The following PRKCA variants were observed in gnomAD, a reference collection of about 807,000 sequenced individuals.
PRKCA encodes protein kinase C alpha type.
Under a neutral mutation model 87.0 loss-of-function variants are expected in PRKCA, and 27 were observed. The ratio of observed to expected loss-of-function variants is 0.31; its 90% CI spans 0.23 to 0.43. PRKCA has a LOEUF of 0.43. Ranked by LOEUF, PRKCA falls within the 20% of genes least tolerant of loss-of-function variation. The probability of loss-of-function intolerance (pLI) is 1.00; values close to 1 mark genes in which losing one functional copy is unlikely to be tolerated. For missense variants in PRKCA, 518 were observed against 852.3 expected, an observed-to-expected ratio of 0.61 and a Z score of 4.88; for synonymous variants, 329 against 311.1, an observed-to-expected ratio of 1.06 and a Z score of -0.61.
intron 2 of PRKCA, among the ~76,000 whole-genome samples, chr17:66,370,228 CTTTTTT>C (rs35851942): frequency 0.16 from 17,540 of 112,230 alleles, 1,374 homozygotes; most frequent in East Asian, 0.32. Context: ...TATTTTGATA[CTTTTTT>C]TTTTTTTTTT....
intron 3 of PRKCA, among the ~76,000 whole-genome samples, chr17:66,596,447 A>G (rs1598803482): frequency 6.7e-6 from 1 of 149,876 alleles, no homozygotes; most frequent in Admixed American, 6.7e-5. Flanking sequence ...GTGACATTAC[A>G]CCCTCCACAT....
intron 3 of PRKCA, among the ~76,000 whole-genome samples, chr17:66,558,041 A>G (rs1401846570): frequency 1.3e-5 from 2 of 152,166 alleles, no homozygotes; most frequent in African/African-American, 4.8e-5. Flanking sequence ...ACCGTTCCCA[A>G]TTGCTGAAAT....
chr17:66,379,704 A>G (rs1909676715), intron 2 of PRKCA, among the ~76,000 whole-genome samples: 1 of 152,238 alleles, frequency 6.6e-6, no homozygotes, highest in African/African-American at 2.4e-5. Flanking sequence ...CATTGGTTAA[A>G]GCTAACTTCA....
intron 8 of PRKCA, among the ~76,000 whole-genome samples, chr17:66,702,297 A>G (rs1338989852): frequency 6.6e-6 from 1 of 152,174 alleles, no homozygotes; most frequent in Non-Finnish European, 1.5e-5. Flanking sequence ...ACATTATCAT[A>G]TTATCATCTA....
intron 2 of PRKCA, among the ~76,000 whole-genome samples, chr17:66,460,740 G>A (rs2874010): frequency 5.9e-5 from 9 of 152,230 alleles, no homozygotes; most frequent in East Asian, 5.8e-4. Flanking sequence ...GCAGAACTGC[G>A]TCCCCATTAT....
intron 2 of PRKCA, among the ~76,000 whole-genome samples, chr17:66,419,761 T>C (rs1254690771): frequency 6.6e-6 from 1 of 152,132 alleles, no homozygotes; most frequent in Non-Finnish European, 1.5e-5. Context: ...ATGCTTCATA[T>C]GTTAAAGAAA....
At chr17:66,303,501 G>A (rs760787919) in intron 1 of PRKCA, among the ~76,000 whole-genome samples, 1 of 10,746 alleles carries the variant, frequency 9.3e-5, no homozygotes, top group African/African-American at 2.6e-4. Flanking sequence ...GCGCGTTCGG[G>A]GTGGGGGGGT....
chr17:66,489,861 A>G (rs1457397354), intron 2 of PRKCA, among the ~76,000 whole-genome samples: 2 of 150,358 alleles, frequency 1.3e-5, no homozygotes, highest in Admixed American at 6.6e-5. Flanking sequence ...GCTCACTGCA[A>G]CCTCCACCTC....
At chr17:66,645,628 C>A in intron 5 of PRKCA, 117 bp downstream of exon 5, 1 of 1,428,080 alleles carries the variant, frequency 7.0e-7, no homozygotes, top group South Asian at 1.3e-5. Context: ...GAGAGGCAGT[C>A]GCCCTGGTGG....
intron 3 of PRKCA, among the ~76,000 whole-genome samples, chr17:66,555,543 A>G (rs2143256562): frequency 6.6e-6 from 1 of 152,290 alleles, no homozygotes; most frequent in African/African-American, 2.4e-5. Flanking sequence ...TGCTCTTTAC[A>G]AATGTCCCTC....
chr17:66,602,520 AC>A (rs1370888903), intron 3 of PRKCA, among the ~76,000 whole-genome samples: 4 of 151,562 alleles, frequency 2.6e-5, no homozygotes, highest in Admixed American at 6.6e-5. Flanking sequence ...TGCAGAAATC[AC>A]CCGTCTTCTG....
chr17:66,519,302 G>T (rs1458397617), intron 3 of PRKCA, among the ~76,000 whole-genome samples: 1 of 152,156 alleles, frequency 6.6e-6, no homozygotes, highest in Non-Finnish European at 1.5e-5. Context: ...ATGAAAAATG[G>T]CTGTGCATAT....
intron 14 of PRKCA, chr17:66,778,241 C>G: frequency 1.0e-6 from 1 of 979,288 alleles, no homozygotes; most frequent in Non-Finnish European, 1.2e-6. Context: ...TGGCTGGGCC[C>G]GGTGGCTCAC....
At chr17:66,350,269 A>G (rs1169631003) in intron 2 of PRKCA, among the ~76,000 whole-genome samples, 2 of 152,010 alleles carry the variant, frequency 1.3e-5, no homozygotes, top group Non-Finnish European at 2.9e-5. Flanking sequence ...ATCTGAGAGG[A>G]AGGGCTCAGG....
rs562816279 is a variant in PRKCA at position 66,394,595 on chromosome 17, G to A, written c.205+88468G>A. On this transcript the variant is annotated intron_variant, in intron 2 of 16. Transcript: ENST00000413366. ...GGCTTTTCTTCTGTAGTATTGGGGCGGATGGGACCCATAATAAGTAAACCC... is the reference window on the plus strand; with the variant it reads ...GGCTTTTCTTCTGTAGTATTGGGGCAGATGGGACCCATAATAAGTAAACCC... 5.3e-5 allele frequency among the ~76,000 whole-genome samples: 8 copies of A among 152,196 alleles called. No homozygotes were observed. In the South Asian group the frequency reaches 6.2e-4, roughly 12 times the overall value.
chr17:66,767,889 C>T (rs557469643), intron 13 of PRKCA, among the ~76,000 whole-genome samples: 1 of 152,176 alleles, frequency 6.6e-6, no homozygotes, highest in East Asian at 1.9e-4. Context: ...TGAAGGTTTG[C>T]TCCTATCATT....
intron 3 of PRKCA, among the ~76,000 whole-genome samples, chr17:66,532,233 A>G (rs1967570766): frequency 6.6e-6 from 1 of 151,714 alleles, no homozygotes; most frequent in Admixed American, 6.6e-5. Context: ...TAAGGAGCCA[A>G]TTCAGAGCTT....
intron 2 of PRKCA, among the ~76,000 whole-genome samples, chr17:66,482,689 C>T (rs1915839483): frequency 6.6e-6 from 1 of 152,178 alleles, no homozygotes; most frequent in South Asian, 2.1e-4. Flanking sequence ...ATTACAACGG[C>T]AGGTACCAGC....
At chr17:66,756,786 C>A (rs1974558543) in intron 13 of PRKCA, among the ~76,000 whole-genome samples, 1 of 152,058 alleles carries the variant, frequency 6.6e-6, no homozygotes, top group Non-Finnish European at 1.5e-5. Flanking sequence ...CTCAGCTTCC[C>A]AAGTAGCTGG....
Sources: gnomAD v4.1 joint callset for allele counts (sites outside exome capture counted in the v4.1 genomes callset) on GRCh38, gnomAD v4.1.1 for gene constraint, MANE v1.5 for transcripts, NCBI Gene and HGNC (gene_info 2026-07-23, HGNC 2026-07-21) for gene names.